Variants in VAV2 observed in about 807,000 individuals in gnomAD.
VAV2 encodes vav guanine nucleotide exchange factor 2.
Under a neutral mutation model 132.5 loss-of-function variants are expected in VAV2, and 67 were observed. That is an observed-to-expected ratio of 0.51 (90% CI 0.42 to 0.62). VAV2 has a LOEUF of 0.62. Ranked by LOEUF, VAV2 falls within the 20% of genes least tolerant of loss-of-function variation. The pLI is 0.00. For missense variants in VAV2, 938 were observed against 1,153.6 expected (o/e 0.81, Z 2.71); for synonymous variants, 492 against 443.5 (o/e 1.11, Z -1.37).
At chr9:133,785,312 G>A (rs1400518313) in intron 17 of VAV2, among the ~76,000 whole-genome samples, 2 of 152,208 alleles carry the variant, frequency 1.3e-5, no homozygotes, top group African/African-American at 4.8e-5. Flanking sequence ...ATCTTTCTCT[G>A]TTTCACATAT....
At position 133,912,130 on chromosome 9, in the gene VAV2, G is replaced by T. The variant is rs1177050368; in HGVS notation, c.321+26973C>A. On this transcript the variant is annotated intron_variant, in intron 2 of 29. Transcript: ENST00000371850. This position sits in a 1 kb window ranked among gnomAD's most constrained non-coding sequence, Gnocchi z 4.3. ...TTTTCAAAGATGGGGTGTCAGCTGA[G>T]CTCAGGACAGCCACCAGCTCCCGCT... is the stretch of plus-strand genomic sequence containing the variant. Among the ~76,000 whole-genome samples, 2 of 152,206 alleles carry T rather than the reference G, an allele frequency of 1.3e-5. No individual in the cohort carries two copies. Among genetic ancestry groups the T allele is most frequent in the Non-Finnish European group, 2.9e-5 (2 of 68,044 alleles).
At chr9:133,835,802 G>A (rs980496140) in intron 3 of VAV2, among the ~76,000 whole-genome samples, 23 of 152,336 alleles carry the variant, frequency 1.5e-4, no homozygotes, top group African/African-American at 5.3e-4. Flanking sequence ...TCTGTGAGCT[G>A]GAAACCTGGG....
chr9:133,766,025 CTG>C (rs1182941954), intron 29 of VAV2, among the ~76,000 whole-genome samples: 2 of 152,040 alleles, frequency 1.3e-5, no homozygotes, highest in East Asian at 1.9e-4. Context: ...TCAAAAGAAA[CTG>C]AGAATTCATT....
At chr9:133,876,073 C>T (rs76407246) in intron 2 of VAV2, among the ~76,000 whole-genome samples, 6,369 of 152,330 alleles carry the variant, frequency 0.042, 202 homozygotes, top group African/African-American at 0.074. Flanking sequence ...CCATCAGGCC[C>T]CTTGGGTCTT....
chr9:133,861,641 G>A (rs1020584819), intron 2 of VAV2, among the ~76,000 whole-genome samples: 13 of 152,262 alleles, frequency 8.5e-5, no homozygotes, highest in Admixed American at 2.6e-4. Context: ...TGGTATTTGC[G>A]GGGCACTGCT....
intron 2 of VAV2, among the ~76,000 whole-genome samples, chr9:133,920,348 C>T (rs371210510): frequency 7.2e-5 from 11 of 152,358 alleles, no homozygotes; most frequent in South Asian, 2.1e-4. Flanking sequence ...GGGCGCTTTT[C>T]GCCAGCCATG....
chr9:133,766,844 A>G (rs748324466), intron 29 of VAV2, among the ~76,000 whole-genome samples: 1 of 149,968 alleles, frequency 6.7e-6, no homozygotes, highest in Non-Finnish European at 1.5e-5. Flanking sequence ...ATATAGAATT[A>G]AGATACATGA....
chr9:133,849,292 A>T (rs1419659289), intron 3 of VAV2, among the ~76,000 whole-genome samples: 10 of 152,262 alleles, frequency 6.6e-5, no homozygotes, highest in Admixed American at 5.2e-4. Flanking sequence ...TGCTACCTGG[A>T]GGGGTGTCCT....
chr9:133,869,312 C>G (rs1011605635), intron 2 of VAV2, among the ~76,000 whole-genome samples: 1 of 152,004 alleles, frequency 6.6e-6, no homozygotes, highest in Non-Finnish European at 1.5e-5. Flanking sequence ...ACGACAACAA[C>G]AAAGTCTTTA....
At chr9:133,777,247 G>T in intron 23 of VAV2, 142 bp downstream of exon 23, 1 of 787,650 alleles carries the variant, frequency 1.3e-6, no homozygotes, top group Non-Finnish European at 2.1e-6. Flanking sequence ...CTGGGCTCCA[G>T]CTCCAGGAAG....
chr9:133,968,976 C>T (rs1411866290), intron 1 of VAV2, among the ~76,000 whole-genome samples: 1 of 152,082 alleles, frequency 6.6e-6, no homozygotes, highest in African/African-American at 2.4e-5. Context: ...CAATCTAAGG[C>T]AGTGCCCTTT....
rs760901062 is a variant in VAV2, at chr9:133,857,806, C to T, written c.380+3568G>A. 2.6e-5 allele frequency among the ~76,000 whole-genome samples: 4 copies of T among 152,116 alleles called. No homozygotes were observed. The highest frequency in any genetic ancestry group is 9.7e-5 in the African/African-American group (4 of 41,426). ...GAGCGTGTGAACCAGTGGAGGTCTGCGCTCAACCCCAAGGGCTGCAGAGGG... is the reference window on the plus strand; with the variant it reads ...GAGCGTGTGAACCAGTGGAGGTCTGTGCTCAACCCCAAGGGCTGCAGAGGG... On this transcript the variant is annotated intron_variant, in intron 3 of 29. Transcript: ENST00000371850. This position sits in a 1 kb window ranked among gnomAD's most constrained non-coding sequence, Gnocchi z 4.0.
intron 2 of VAV2, among the ~76,000 whole-genome samples, chr9:133,867,909 C>T (rs762971723): frequency 3.9e-5 from 6 of 152,192 alleles, no homozygotes; most frequent in Non-Finnish European, 7.3e-5. Flanking sequence ...TTTCCTGAAC[C>T]AATGGAAATG....
intron 3 of VAV2, among the ~76,000 whole-genome samples, chr9:133,853,944 T>C (rs375777694): frequency 6.6e-6 from 1 of 152,220 alleles, no homozygotes; most frequent in African/African-American, 2.4e-5. Context: ...GGATACAGAA[T>C]GAGCAAGATC....
chr9:133,899,662 G>C (rs568075413), intron 2 of VAV2, among the ~76,000 whole-genome samples: 1 of 148,184 alleles, frequency 6.7e-6, no homozygotes, highest in East Asian at 2.2e-4. Flanking sequence ...CACCCACCTC[G>C]GCCTCCCAAA....
At chr9:133,767,904 A>G (rs563408396) in intron 29 of VAV2, among the ~76,000 whole-genome samples, 1 of 152,316 alleles carries the variant, frequency 6.6e-6, no homozygotes, top group South Asian at 2.1e-4. Flanking sequence ...TGAAGAGGCC[A>G]CAGACATATG....
intron 16 of VAV2, among the ~76,000 whole-genome samples, chr9:133,786,637 C>G (rs755805082): frequency 1.3e-5 from 2 of 152,262 alleles, no homozygotes; most frequent in Non-Finnish European, 2.9e-5. Flanking sequence ...AGGCAGGGAA[C>G]AGCCATGGGC....
At chr9:133,899,661 C>T (rs149332130) in intron 2 of VAV2, among the ~76,000 whole-genome samples, 192 of 149,598 alleles carry the variant, frequency 1.3e-3, no homozygotes, top group African/African-American at 3.8e-3. Context: ...CCACCCACCT[C>T]GGCCTCCCAA....
intron 24 of VAV2, among the ~76,000 whole-genome samples, chr9:133,775,439 A>G (rs1301516780): frequency 6.6e-6 from 1 of 152,256 alleles, no homozygotes; most frequent in Non-Finnish European, 1.5e-5. Context: ...TTTCAAAAGC[A>G]GTAAAGGCAT....
Sources: gnomAD v4.1 joint callset for allele counts (sites outside exome capture counted in the v4.1 genomes callset) on GRCh38, gnomAD v4.1.1 for gene constraint, Gnocchi (gnomAD v3.1) non-coding constraint, MANE v1.5 for transcripts, NCBI Gene and HGNC (gene_info 2026-07-23, HGNC 2026-07-21) for gene names.